The following ARHGAP26 variants were observed in gnomAD, a reference collection of about 807,000 sequenced individuals.
The protein encoded by ARHGAP26 is Rho GTPase activating protein 26.
In ARHGAP26, 38 loss-of-function variants were observed where a neutral mutation model predicts 104.8. The ratio of observed to expected loss-of-function variants is 0.36; its 90% CI spans 0.28 to 0.48. The LOEUF (loss-of-function observed/expected upper bound fraction) is 0.48. Among genes scored for constraint, ARHGAP26 ranks in the 20% least tolerant of loss-of-function variants. The pLI, the probability that ARHGAP26 is intolerant of heterozygous loss-of-function variation, is 0.99. For missense variants in ARHGAP26, 704 were observed against 947.9 expected (o/e 0.74, Z 3.38); for synonymous variants, 341 against 340.0 (o/e 1.00, Z -0.03).
At chr5:142,915,778 C>G (rs1417321998) in intron 10 of ARHGAP26, 1 of 152,208 alleles carries the variant, frequency 6.6e-6, no homozygotes, top group Non-Finnish European at 1.5e-5. Context: ...CTCCTTTCTC[C>G]TTTTTTGACC....
chr5:143,113,443 G>C (rs140819500), intron 17 of ARHGAP26, among the ~76,000 whole-genome samples: 33 of 152,324 alleles, frequency 2.2e-4, no homozygotes, highest in African/African-American at 7.0e-4. Context: ...CAGCCTGGAT[G>C]AATGCATATA....
At chr5:142,906,606 A>G (rs1023515593) in intron 8 of ARHGAP26, among the ~76,000 whole-genome samples, 2 of 152,200 alleles carry the variant, frequency 1.3e-5, no homozygotes, top group African/African-American at 4.8e-5. Flanking sequence ...GCTATAATTT[A>G]TAACTGTCCT....
At chr5:142,890,944 G>GCATGTATACT (rs1562025865) in intron 5 of ARHGAP26, among the ~76,000 whole-genome samples, 1 of 151,728 alleles carries the variant, frequency 6.6e-6, no homozygotes, top group African/African-American at 2.4e-5. Context: ...TCCTTATAGG[G>GCATGTATACT]ATTTCCTTCT....
At chr5:143,208,266 G>A (rs1946836) in intron 21 of ARHGAP26, among the ~76,000 whole-genome samples, 21,910 of 152,114 alleles carry the variant, frequency 0.14, 1,632 homozygotes, top group Non-Finnish European at 0.16. Context: ...GCTCCTAAAC[G>A]TGCTTCTCTC....
At chr5:143,032,888 C>A (rs1048187354) in intron 12 of ARHGAP26, among the ~76,000 whole-genome samples, 7 of 152,072 alleles carry the variant, frequency 4.6e-5, no homozygotes, top group African/African-American at 1.7e-4. Context: ...GATGGGGGTC[C>A]CCAGGCAGTG....
intron 17 of ARHGAP26, among the ~76,000 whole-genome samples, chr5:143,089,031 C>G (rs187785135): frequency 7.9e-4 from 120 of 152,148 alleles, no homozygotes; most frequent in Non-Finnish European, 1.5e-3. Context: ...GGTTGCTTTA[C>G]GAGGAAGTTA....
intron 20 of ARHGAP26, among the ~76,000 whole-genome samples, chr5:143,156,490 C>G (rs930917368): frequency 1.3e-5 from 2 of 152,184 alleles, no homozygotes; most frequent in African/African-American, 4.8e-5. Flanking sequence ...GTTAGATCTA[C>G]AGAATCTCAG....
At chr5:142,987,966 G>C (rs1403420403) in intron 11 of ARHGAP26, among the ~76,000 whole-genome samples, 4 of 152,078 alleles carry the variant, frequency 2.6e-5, no homozygotes, top group African/African-American at 9.7e-5. Flanking sequence ...TTTTTTGTAT[G>C]TGTCTCTGCC....
At position 142,783,945 on chromosome 5, in the gene ARHGAP26, C is replaced by T. The variant is rs959005215; in HGVS notation, c.154+13030C>T. On this transcript the variant is annotated intron_variant, in intron 1 of 22. Coordinates refer to ENST00000645722, the MANE Select transcript of ARHGAP26 (RefSeq NM_001135608.3). ...TTACCCAGCAGATCATCAGCCACAC[C>T]ACCCCTGCTGTGGACAATATGTCAT... Among the ~76,000 whole-genome samples, 15 of 152,240 alleles carry T rather than the reference C, an allele frequency of 9.9e-5. No individual in the cohort carries two copies. The East Asian group carries it at 1.2e-3, about 12-fold the overall frequency.
chr5:143,046,034 T>C (rs935268595), intron 14 of ARHGAP26, among the ~76,000 whole-genome samples: 3 of 152,206 alleles, frequency 2.0e-5, no homozygotes, highest in Non-Finnish European at 4.4e-5. Context: ...CTTGGGAGGC[T>C]GAGGCAGGAG....
intron 17 of ARHGAP26, among the ~76,000 whole-genome samples, chr5:143,119,277 A>G (rs931423366): frequency 2.0e-5 from 3 of 152,232 alleles, no homozygotes; most frequent in African/African-American, 7.2e-5. Context: ...AGGTACTTTC[A>G]TAAAAAAATA....
chr5:142,872,193 A>G (rs902251246), intron 1 of ARHGAP26, among the ~76,000 whole-genome samples: 3 of 151,020 alleles, frequency 2.0e-5, no homozygotes, highest in Non-Finnish European at 4.4e-5. Context: ...TACACAGAGG[A>G]AACAAACCAA....
chr5:142,835,570 A>G (rs1348964299), intron 1 of ARHGAP26, among the ~76,000 whole-genome samples: 1 of 152,176 alleles, frequency 6.6e-6, no homozygotes, highest in Non-Finnish European at 1.5e-5. Context: ...TGTCTTTTCA[A>G]AATGGAGGGA....
chr5:142,856,695 A>G (rs1442931180), intron 1 of ARHGAP26, among the ~76,000 whole-genome samples: 1 of 152,214 alleles, frequency 6.6e-6, no homozygotes, highest in Non-Finnish European at 1.5e-5. Flanking sequence ...CAAGCAATAC[A>G]GTATAACAAC....
chr5:143,078,196 C>T (rs908835294), intron 17 of ARHGAP26, among the ~76,000 whole-genome samples: 4 of 152,312 alleles, frequency 2.6e-5, no homozygotes, highest in Admixed American at 2.0e-4. Flanking sequence ...AGTTTCATTG[C>T]AGGGAAAGTA....
At chr5:142,919,178 TTAA>T (rs1253421764) in intron 10 of ARHGAP26, 2 of 398,396 alleles carry the variant, frequency 5.0e-6, no homozygotes, top group Admixed American at 4.4e-5. Context: ...AGGGTGGGCC[TTAA>T]TGCGATATTA....
intron 11 of ARHGAP26, among the ~76,000 whole-genome samples, chr5:142,968,704 T>G (rs1031685087): frequency 6.6e-6 from 1 of 152,254 alleles, no homozygotes; most frequent in Non-Finnish European, 1.5e-5. Flanking sequence ...GGAATTGTGC[T>G]TCACATGTTC....
intron 11 of ARHGAP26, among the ~76,000 whole-genome samples, chr5:142,941,074 CAA>C (rs1162903888): frequency 3.7e-5 from 1 of 27,244 alleles, no homozygotes; most frequent in Non-Finnish European, 6.4e-5. Context: ...GACTCCATCT[CAA>C]AAAAAAAAAA....
intron 1 of ARHGAP26, among the ~76,000 whole-genome samples, chr5:142,813,040 C>T (rs987858193): frequency 6.6e-6 from 1 of 151,420 alleles, no homozygotes; most frequent in Admixed American, 6.6e-5. Context: ...TGGGTTCACG[C>T]CATTCTCCTG....
Sources: gnomAD v4.1 joint callset for allele counts (sites outside exome capture counted in the v4.1 genomes callset) on GRCh38, gnomAD v4.1.1 for gene constraint, MANE v1.5 for transcripts, NCBI Gene and HGNC (gene_info 2026-07-23, HGNC 2026-07-21) for gene names.